The following SEMA3A variants were observed in gnomAD, a reference collection of about 807,000 sequenced individuals.
SEMA3A encodes semaphorin 3A.
Under a neutral mutation model 97.9 loss-of-function variants are expected in SEMA3A, and 29 were observed. The ratio of observed to expected loss-of-function variants is 0.30; its 90% CI spans 0.22 to 0.40. SEMA3A has a LOEUF of 0.40. Ranked by LOEUF, SEMA3A falls within the 10% of genes least tolerant of loss-of-function variation. The probability of loss-of-function intolerance (pLI) is 1.00; values close to 1 mark genes in which losing one functional copy is unlikely to be tolerated. For missense variants in SEMA3A, 763 were observed against 951.3 expected (o/e 0.80, Z 2.60); for synonymous variants, 321 against 323.7 (o/e 0.99, Z 0.09).
chr7:84,178,952 C>T (rs1010738909), intron 1 of SEMA3A, among the ~76,000 whole-genome samples: 7 of 152,082 alleles, frequency 4.6e-5, no homozygotes, highest in South Asian at 2.1e-4. Context: ...TCTTTCCCAC[C>T]CCTCCATGCC....
At chr7:84,333,360 A>G (rs1801950729) in intron 2 of SEMA3A, among the ~76,000 whole-genome samples, 1 of 152,134 alleles carries the variant, frequency 6.6e-6, no homozygotes, top group Non-Finnish European at 1.5e-5. Flanking sequence ...TAACTTGACC[A>G]TGATGATATC....
At chr7:84,477,387 C>T (rs1025634508) in intron 1 of SEMA3A, among the ~76,000 whole-genome samples, 4 of 138,060 alleles carry the variant, frequency 2.9e-5, no homozygotes, top group Admixed American at 1.6e-4. Context: ...TGCAGTGAGC[C>T]GAGATCACAA....
chr7:84,450,977 T>C (rs1805539764), intron 1 of SEMA3A, among the ~76,000 whole-genome samples: 1 of 152,176 alleles, frequency 6.6e-6, no homozygotes, highest in Non-Finnish European at 1.5e-5. Flanking sequence ...ACTCTGTTAA[T>C]TGTTTGCTTT....
chr7:84,438,038 A>G (rs1185666029), intron 1 of SEMA3A, among the ~76,000 whole-genome samples: 3 of 152,224 alleles, frequency 2.0e-5, no homozygotes, highest in East Asian at 3.9e-4. Flanking sequence ...ATCTATCCAG[A>G]AAAGAGCTAG....
intron 3 of SEMA3A, among the ~76,000 whole-genome samples, chr7:84,200,534 C>T (rs1393831016): frequency 6.6e-6 from 1 of 152,098 alleles, no homozygotes; most frequent in African/African-American, 2.4e-5. Flanking sequence ...TAGTATCCCA[C>T]TTGCCAAATG....
chr7:84,398,331 C>G (rs2888322), intron 1 of SEMA3A, among the ~76,000 whole-genome samples: 1 of 151,906 alleles, frequency 6.6e-6, no homozygotes, highest in Non-Finnish European at 1.5e-5. Flanking sequence ...ATGTCTGGTG[C>G]TTTTTCTTAG....
chr7:83,974,336 G>A (rs1299921915), intron 15 of SEMA3A, among the ~76,000 whole-genome samples: 2 of 152,096 alleles, frequency 1.3e-5, no homozygotes, highest in Non-Finnish European at 2.9e-5. Context: ...TTCATCTAAA[G>A]TGAAATTTCT....
chr7:84,461,083 G>A (rs1805826513), intron 1 of SEMA3A, among the ~76,000 whole-genome samples: 1 of 151,702 alleles, frequency 6.6e-6, no homozygotes, highest in African/African-American at 2.4e-5. Context: ...AAATTCATAG[G>A]GTATAAGGAA....
At chr7:84,028,590 A>G (rs1392755965) in intron 6 of SEMA3A, among the ~76,000 whole-genome samples, 2 of 128,872 alleles carry the variant, frequency 1.6e-5, no homozygotes, top group Admixed American at 1.5e-4. Context: ...AATGTATAAT[A>G]AAGTTTGTTT....
chr7:84,161,321 G>A (rs1039797437), intron 1 of SEMA3A, among the ~76,000 whole-genome samples: 9 of 151,696 alleles, frequency 5.9e-5, no homozygotes, highest in South Asian at 2.1e-4. Flanking sequence ...CCAGGATCAC[G>A]CCATTGCACT....
At chr7:84,181,791 T>C (rs959881421) in intron 1 of SEMA3A, among the ~76,000 whole-genome samples, 3 of 152,168 alleles carry the variant, frequency 2.0e-5, no homozygotes, top group Admixed American at 1.3e-4. Context: ...CCTTCACATA[T>C]CATTTACATA....
At chr7:84,438,836 A>G (rs1401461587) in intron 1 of SEMA3A, among the ~76,000 whole-genome samples, 2 of 152,104 alleles carry the variant, frequency 1.3e-5, no homozygotes, top group East Asian at 3.9e-4. Flanking sequence ...TTATAATAAA[A>G]TATATATTTT....
chr7:84,204,566 G>A (rs1230351837), intron 3 of SEMA3A, among the ~76,000 whole-genome samples: 1 of 152,118 alleles, frequency 6.6e-6, no homozygotes, highest in Non-Finnish European at 1.5e-5. Flanking sequence ...GAAACAGGAG[G>A]CAACTTCTTG....
At chr7:84,466,181 GTTT>G (rs1470680180) in intron 1 of SEMA3A, among the ~76,000 whole-genome samples, 61 of 151,042 alleles carry the variant, frequency 4.0e-4, no homozygotes, top group African/African-American at 1.4e-3. Flanking sequence ...TTGTTTGTTT[GTTT>G]GCTTTTGAGA....
intron 1 of SEMA3A, among the ~76,000 whole-genome samples, chr7:84,413,939 C>T (rs1429010296): frequency 1.3e-5 from 2 of 152,054 alleles, no homozygotes; most frequent in South Asian, 2.1e-4. Flanking sequence ...GCATCATTTG[C>T]CTCTCTAAAG....
intron 3 of SEMA3A, among the ~76,000 whole-genome samples, chr7:84,295,316 T>A (rs546880246): frequency 3.9e-5 from 6 of 152,038 alleles, no homozygotes; most frequent in African/African-American, 1.2e-4. Context: ...ATTTTTTTTT[T>A]ATATCCTTGC....
intron 3 of SEMA3A, among the ~76,000 whole-genome samples, chr7:84,118,661 C>T (rs1583992375): frequency 6.6e-6 from 1 of 152,256 alleles, no homozygotes; most frequent in African/African-American, 2.4e-5. Flanking sequence ...CCCAAATCGA[C>T]CCAAAGAAAG....
At chr7:84,437,306 A>G (rs1362579419) in intron 1 of SEMA3A, among the ~76,000 whole-genome samples, 1 of 152,056 alleles carries the variant, frequency 6.6e-6, no homozygotes, top group East Asian at 1.9e-4. Context: ...CATGTGAGCT[A>G]GTAATTAGTT....
intron 3 of SEMA3A, among the ~76,000 whole-genome samples, chr7:84,280,049 C>G (rs961681427): frequency 6.6e-6 from 1 of 152,094 alleles, no homozygotes; most frequent in Non-Finnish European, 1.5e-5. Flanking sequence ...AGGCACATGC[C>G]ACCATGTCTG....
Sources: gnomAD v4.1 joint callset for allele counts (sites outside exome capture counted in the v4.1 genomes callset) on GRCh38, gnomAD v4.1.1 for gene constraint, MANE v1.5 for transcripts, NCBI Gene and HGNC (gene_info 2026-07-23, HGNC 2026-07-21) for gene names.